Variants in ZFAND6 observed in about 807,000 individuals in gnomAD.
ZFAND6 encodes zinc finger AN1-type containing 6.
A neutral mutation model predicts 24.5 loss-of-function variants in ZFAND6; 12 were observed. The ratio of observed to expected loss-of-function variants is 0.49; its 90% CI spans 0.31 to 0.79. ZFAND6 has a LOEUF of 0.79. ZFAND6 is among the 30% of genes least tolerant of loss of function. ZFAND6 has a pLI of 0.04. For synonymous variants in ZFAND6, 92 were observed against 81.5 expected (o/e 1.13, Z -0.69); for missense variants, 207 against 245.9 (o/e 0.84, Z 1.06).
intron 1 of ZFAND6, among the ~76,000 whole-genome samples, chr15:80,088,383 C>T (rs557748586): frequency 6.6e-6 from 1 of 152,240 alleles, no homozygotes; most frequent in African/African-American, 2.4e-5. Context: ...GCTTGACCAA[C>T]ATGGTGAAAC....
intron 1 of ZFAND6, among the ~76,000 whole-genome samples, chr15:80,087,478 A>G (rs982554304): frequency 2.0e-5 from 3 of 152,186 alleles, no homozygotes; most frequent in African/African-American, 7.2e-5. Flanking sequence ...TCCAATGCTC[A>G]TTCTCCTTTT....
chr15:80,082,599 C>T (rs944363517), intron 1 of ZFAND6, among the ~76,000 whole-genome samples: 1 of 152,110 alleles, frequency 6.6e-6, no homozygotes, highest in Non-Finnish European at 1.5e-5. Context: ...TGTTCCTAAA[C>T]CTTTGGGTTT....
At chr15:80,134,792 A>G (rs539151988) in intron 6 of ZFAND6, among the ~76,000 whole-genome samples, 4 of 114,370 alleles carry the variant, frequency 3.5e-5, no homozygotes, top group African/African-American at 1.2e-4. Context: ...GGAAGAAGAC[A>G]TAGAAAAAGA....
At chr15:80,083,651 G>A (rs558287285) in intron 1 of ZFAND6, among the ~76,000 whole-genome samples, 17 of 152,292 alleles carry the variant, frequency 1.1e-4, no homozygotes, top group African/African-American at 3.9e-4. Flanking sequence ...GCTCATGCCT[G>A]TAATCCCAGC....
chr15:80,059,547 T>G (rs2036207231), upstream of ZFAND6: 1 of 151,952 alleles, frequency 6.6e-6, no homozygotes, highest in Admixed American at 6.5e-5. Context: ...TCCTCCGGCC[T>G]GCGGCCCCGC....
intron 2 of ZFAND6, among the ~76,000 whole-genome samples, 156 bp from the exon 3 acceptor site, chr15:80,120,172 A>G (rs971367214): frequency 1.3e-5 from 2 of 151,988 alleles, no homozygotes; most frequent in Non-Finnish European, 2.9e-5. Context: ...TGGTTTTTAT[A>G]TTTTTCTCTC....
intron 6 of ZFAND6, among the ~76,000 whole-genome samples, chr15:80,135,968 T>A (rs1046356306): frequency 5.9e-5 from 9 of 151,800 alleles, no homozygotes; most frequent in Admixed American, 5.3e-4. Flanking sequence ...TACAAAAAAA[T>A]TTTTAAAATT....
At chr15:80,109,281 A>C (rs1418430438) in intron 2 of ZFAND6, among the ~76,000 whole-genome samples, 1 of 152,188 alleles carries the variant, frequency 6.6e-6, no homozygotes, top group African/African-American at 2.4e-5. Context: ...CAAAATGGAC[A>C]AAATCCCTGC....
chr15:80,062,494 C>T (rs1393343368), intron 1 of ZFAND6, among the ~76,000 whole-genome samples: 3 of 152,162 alleles, frequency 2.0e-5, no homozygotes, highest in African/African-American at 7.2e-5. Flanking sequence ...ATAGTATCTC[C>T]TTACTATCCT....
At chr15:80,090,416 G>C (rs1163540879) in intron 1 of ZFAND6, among the ~76,000 whole-genome samples, 1 of 152,124 alleles carries the variant, frequency 6.6e-6, no homozygotes, top group Non-Finnish European at 1.5e-5. Context: ...CATAATCTCT[G>C]TAGGCCTCAG....
chr15:80,070,262 A>C (rs943348596), intron 1 of ZFAND6, among the ~76,000 whole-genome samples: 1 of 152,196 alleles, frequency 6.6e-6, no homozygotes, highest in Non-Finnish European at 1.5e-5. Context: ...TTTTTAGCTG[A>C]TAAGATTTGG....
intron 1 of ZFAND6, among the ~76,000 whole-genome samples, chr15:80,088,602 T>G (rs1172087186): frequency 2.0e-5 from 3 of 152,216 alleles, no homozygotes; most frequent in Non-Finnish European, 4.4e-5. Context: ...ACTCTTTCCT[T>G]ATGCTTTATT....
chr15:80,063,363 T>G (rs1163014572), intron 1 of ZFAND6, among the ~76,000 whole-genome samples: 1 of 152,144 alleles, frequency 6.6e-6, no homozygotes, highest in Non-Finnish European at 1.5e-5. Flanking sequence ...CCACTTAAAG[T>G]ACATCTCAAT....
Position 80,122,872 on chromosome 15 carries a change from TA to T in ZFAND6, c.364+79del, listed in dbSNP as rs941343389. The T allele has an allele frequency of 1.7e-5, 21 of 1,218,608 alleles. No homozygotes were observed. In the Admixed American group the frequency reaches 3.1e-4, roughly 18 times the overall value. The allele number at this position is 1,218,608 out of a possible 1,614,324, so 75.5% of individuals were successfully genotyped here. ...CCAGACACTATCCTAGGTGCATGTA[TA>T]AAAAAATTGCCAGCTTAAAATACAT... On this transcript the variant is annotated intron_variant, in intron 5 of 6. Coordinates refer to ENST00000261749, the MANE Select transcript of ZFAND6 (RefSeq NM_019006.4).
intron 2 of ZFAND6, among the ~76,000 whole-genome samples, chr15:80,110,794 A>G (rs1238621037): frequency 6.6e-6 from 1 of 152,192 alleles, no homozygotes; most frequent in Admixed American, 6.5e-5. Flanking sequence ...GGAGAAAAGC[A>G]TTAATCTTAA....
intron 1 of ZFAND6, among the ~76,000 whole-genome samples, chr15:80,083,209 T>G (rs2037783082): frequency 6.6e-6 from 1 of 152,108 alleles, no homozygotes; most frequent in South Asian, 2.1e-4. Context: ...GCTGGGATGG[T>G]CTCAATCTCC....
At chr15:80,090,515 C>A (rs1265909921) in intron 1 of ZFAND6, among the ~76,000 whole-genome samples, 1 of 152,116 alleles carries the variant, frequency 6.6e-6, no homozygotes, top group African/African-American at 2.4e-5. Context: ...ATCATGGGAC[C>A]CCTCAATTCT....
chr15:80,101,452 G>A (rs2036071348), intron 2 of ZFAND6, among the ~76,000 whole-genome samples: 1 of 151,934 alleles, frequency 6.6e-6, no homozygotes, highest in South Asian at 2.1e-4. Context: ...GACAAGGCAA[G>A]ACTCCATCTC....
At chr15:80,097,338 A>G (rs1439790989) in intron 1 of ZFAND6, among the ~76,000 whole-genome samples, 2 of 152,146 alleles carry the variant, frequency 1.3e-5, no homozygotes, top group African/African-American at 2.4e-5. Flanking sequence ...ATGTAGCAAT[A>G]TAAATTTTTT....
Sources: gnomAD v4.1 joint callset for allele counts (sites outside exome capture counted in the v4.1 genomes callset) on GRCh38, gnomAD v4.1.1 for gene constraint, MANE v1.5 for transcripts, NCBI Gene and HGNC (gene_info 2026-07-23, HGNC 2026-07-21) for gene names.